The following MAP2 variants were observed in gnomAD, a reference collection of about 807,000 sequenced individuals.
The protein encoded by MAP2 is microtubule associated protein 2.
MAP2 carries 14 observed loss-of-function variants against 137.6 expected under a neutral mutation model. The ratio of observed to expected loss-of-function variants is 0.10; its 90% CI spans 0.07 to 0.16. MAP2 has a LOEUF of 0.16. Among genes scored for constraint, MAP2 ranks in the 10% least tolerant of loss-of-function variants. The pLI is 1.00. For synonymous variants in MAP2, 786 were observed against 782.3 expected (o/e 1.00, Z -0.08); for missense variants, 2,088 against 2,191.5 (o/e 0.95, Z 0.94).
In MAP2 at chr2:209,694,903, C is replaced by A. The variant is rs1183779037; in HGVS notation, c.2733C>A (p.Asp911Glu). The A allele has an allele frequency of 1.2e-6, 2 of 1,614,018 alleles. No individual in the cohort carries two copies. The highest frequency in any genetic ancestry group is 1.3e-5 in the African/African-American group (1 of 74,904). ...AAGTTCGAAGAGATTTGGCCACAGA[C>A]CTTTCACTGATTGAAGTGAAACTGG... ...DDKVRRDLAT[D>E]LSLIEVKLAA... Residue 911 changes from aspartate to glutamate, a missense_variant, in exon 8 of 16, where the codon GAC (aspartate) becomes GAA (glutamate). This residue lies in a region of MAP2 where 500 missense variants were observed against 482.9 expected (regional missense o/e 1.04). Transcript: ENST00000682079.
intron 2 of MAP2, among the ~76,000 whole-genome samples, chr2:209,535,264 C>T (rs560295410): frequency 6.6e-6 from 1 of 152,090 alleles, no homozygotes; most frequent in Non-Finnish European, 1.5e-5. Flanking sequence ...TCAATTTGTT[C>T]TTTGTATTTT....
At chr2:209,638,160 A>G (rs1581625471) in intron 4 of MAP2, among the ~76,000 whole-genome samples, 2 of 152,160 alleles carry the variant, frequency 1.3e-5, no homozygotes, top group Non-Finnish European at 1.5e-5. Flanking sequence ...ATGTCCCATC[A>G]TACCCCTCCA....
At chr2:209,658,241 G>A (rs1452709197) in intron 5 of MAP2, among the ~76,000 whole-genome samples, 1 of 152,022 alleles carries the variant, frequency 6.6e-6, no homozygotes, top group Non-Finnish European at 1.5e-5. Flanking sequence ...GCACAGAAAA[G>A]CAATTGATTT....
At chr2:209,729,768 G>A in intron 14 of MAP2, 82 bp from the exon 15 acceptor site, 1 of 835,822 alleles carries the variant, frequency 1.2e-6, no homozygotes, top group Non-Finnish European at 2.0e-6. Flanking sequence ...GTTTGCCGTA[G>A]TCTATCTACT....
At chr2:209,479,830 G>A (rs1374829834) in intron 1 of MAP2, among the ~76,000 whole-genome samples, 1 of 152,026 alleles carries the variant, frequency 6.6e-6, no homozygotes, top group African/African-American at 2.4e-5. Flanking sequence ...ACTTTCTTCA[G>A]CCTTAGCAGA....
Position 209,693,127 on chromosome 2 carries a change from G to A in MAP2, c.957G>A (p.Gly319=), listed in dbSNP as rs766664600. The A allele has an allele frequency of 3.7e-6, 6 of 1,611,928 alleles. No homozygotes were observed. The highest frequency in any genetic ancestry group is 4.2e-6 in the Non-Finnish European group (5 of 1,179,334). ...FDSPMPSPFQ[G]GSFTLPLDVM... ...CTCCCATGCCAAGTCCCTTTCAAGG[G>A]GGAAGCTTCACTCTTCCTTTAGATG... The change falls in exon 8 of 16, where the codon GGG becomes GGA. Residue 319 remains glycine, a synonymous_variant. Coordinates refer to ENST00000682079, the MANE Select transcript of MAP2 (RefSeq NM_001375505.1).
intron 3 of MAP2, among the ~76,000 whole-genome samples, chr2:209,596,698 C>T (rs1400471977): frequency 6.6e-6 from 1 of 152,168 alleles, no homozygotes; most frequent in Non-Finnish European, 1.5e-5. Flanking sequence ...TTAACCTACC[C>T]AGCCCATCTG....
chr2:209,510,437 G>A (rs1464888247), intron 2 of MAP2, among the ~76,000 whole-genome samples: 1 of 151,966 alleles, frequency 6.6e-6, no homozygotes. Flanking sequence ...TATGTTCACT[G>A]CTGACATTGT....
chr2:209,581,202 T>C (rs190204034), intron 3 of MAP2, among the ~76,000 whole-genome samples: 1 of 152,306 alleles, frequency 6.6e-6, no homozygotes, highest in Admixed American at 6.5e-5. Context: ...AGAACCTTAA[T>C]TTATTCATTC....
intron 5 of MAP2, among the ~76,000 whole-genome samples, chr2:209,670,691 G>A (rs1301337463): frequency 6.6e-6 from 1 of 151,844 alleles, no homozygotes; most frequent in Non-Finnish European, 1.5e-5. Flanking sequence ...GAGCAAGAGA[G>A]GGAGAATTCT....
chr2:209,576,444 T>C (rs1225431711), intron 2 of MAP2, among the ~76,000 whole-genome samples: 3 of 151,820 alleles, frequency 2.0e-5, no homozygotes, highest in East Asian at 1.9e-4. Flanking sequence ...GAGATGGGGT[T>C]TCACTATGGC....
chr2:209,550,106 A>T (rs536687433), intron 2 of MAP2, among the ~76,000 whole-genome samples: 1 of 152,258 alleles, frequency 6.6e-6, no homozygotes, highest in Admixed American at 6.5e-5. Flanking sequence ...ATCCCGGGGG[A>T]AGCTATAGTG....
intron 3 of MAP2, among the ~76,000 whole-genome samples, chr2:209,586,068 A>G (rs960148640): frequency 1.3e-5 from 2 of 152,148 alleles, no homozygotes; most frequent in African/African-American, 4.8e-5. Context: ...TGGAGACACA[A>G]ACAAGATCTT....
intron 4 of MAP2, among the ~76,000 whole-genome samples, chr2:209,640,976 A>G (rs1387681549): frequency 6.7e-6 from 1 of 148,506 alleles, no homozygotes; most frequent in African/African-American, 2.5e-5. Flanking sequence ...TTCTTCCATG[A>G]TGTATAATAT....
intron 1 of MAP2, among the ~76,000 whole-genome samples, chr2:209,492,726 T>C (rs2059273934): frequency 6.6e-6 from 1 of 152,100 alleles, no homozygotes; most frequent in African/African-American, 2.4e-5. Context: ...GGAATAAAGC[T>C]TACAAGGATG....
chr2:209,656,407 G>A (rs567417386), intron 5 of MAP2, among the ~76,000 whole-genome samples: 100 of 152,078 alleles, frequency 6.6e-4, no homozygotes, highest in Non-Finnish European at 1.1e-3. Context: ...TACTCAAGAG[G>A]CAAAGGTGGG....
At chr2:209,678,990 A>T (rs2053257132) in intron 6 of MAP2, among the ~76,000 whole-genome samples, 1 of 152,084 alleles carries the variant, frequency 6.6e-6, no homozygotes, top group African/African-American at 2.4e-5. Flanking sequence ...CCAATGCCTT[A>T]TTTCATGACC....
In MAP2 at chr2:209,549,263, G is replaced by A. The variant is rs1160616383; in HGVS notation, c.-171-30773G>A. 2.0e-5 allele frequency among the ~76,000 whole-genome samples: 3 copies of A among 152,132 alleles called. No homozygotes were observed. The East Asian group carries it at 5.8e-4, about 29-fold the overall frequency. ...GGGCAAGGGAAATGGCTGTGAAGTA[G>A]ACAGTGGACAGTGTCTACCATGCCT... On this transcript the variant is annotated intron_variant, in intron 2 of 15. Coordinates refer to ENST00000682079, the MANE Select transcript of MAP2 (RefSeq NM_001375505.1).
intron 12 of MAP2, among the ~76,000 whole-genome samples, chr2:209,707,586 C>T (rs1188369471): frequency 8.2e-6 from 1 of 122,634 alleles, no homozygotes; most frequent in East Asian, 3.2e-4. Flanking sequence ...TAAATAAAAG[C>T]ACAGTTTAAT....
Sources: allele counts gnomAD v4.1 joint callset (sites outside exome capture counted in the v4.1 genomes callset), GRCh38; gene constraint gnomAD v4.1.1; regional missense constraint gnomAD v4.1.1; transcripts MANE v1.5; gene names NCBI Gene and HGNC (gene_info 2026-07-23, HGNC 2026-07-21).